ANXA4: variants seen among roughly 807,000 people sequenced by gnomAD.
ANXA4 encodes the protein annexin A4, also known as 35-beta calcimedin.
A neutral mutation model predicts 49.8 loss-of-function variants in ANXA4; 39 were observed. The ratio of observed to expected loss-of-function variants is 0.78; its 90% CI spans 0.61 to 1.02. The LOEUF (loss-of-function observed/expected upper bound fraction) is 1.02. Among genes scored for constraint, ANXA4 ranks in the 50% least tolerant of loss-of-function variants. ANXA4 has a pLI of 0.00. For missense variants in ANXA4, 360 were observed against 410.1 expected (o/e 0.88, Z 1.05); for synonymous variants, 134 against 152.5 (o/e 0.88, Z 0.89).
intron 12 of ANXA4, among the ~76,000 whole-genome samples, chr2:69,825,055 A>C (rs1010627915): frequency 1.4e-5 from 2 of 144,030 alleles, no homozygotes; most frequent in African/African-American, 5.3e-5. Context: ...TGACAGAACA[A>C]GACTCTGTCT....
At chr2:69,707,579 A>T (rs1253479754) in intron 2 of ANXA4, among the ~76,000 whole-genome samples, 5 of 152,234 alleles carry the variant, frequency 3.3e-5, no homozygotes, top group Non-Finnish European at 1.5e-5. Context: ...TTTAAATTTT[A>T]AAAAATTTAA....
At chr2:69,736,879 G>A (rs1054979122) in intron 3 of ANXA4, among the ~76,000 whole-genome samples, 60 of 152,186 alleles carry the variant, frequency 3.9e-4, no homozygotes, top group African/African-American at 1.4e-3. Context: ...TTGGCTCACT[G>A]AAACCTCCAG....
rs1310052616 is a variant in ANXA4 at position 69,818,619 on chromosome 2, A to T, written c.649A>T (p.Ile217Leu). 2 of 1,607,348 alleles carry T rather than the reference A, an allele frequency of 1.2e-6. No individual in the cohort carries two copies. Among genetic ancestry groups the T allele is most frequent in the East Asian group, 2.2e-5 (1 of 44,692 alleles). ...LLHVFDEYKRISQKDIEQSIK... is the reference protein window; with the variant it reads ...LLHVFDEYKRLSQKDIEQSIK... ...TGCAGTGTTTGATGAATACAAAAGG[A>T]TATCACAGAAGGATATTGAACAGAG... is the stretch of plus-strand genomic sequence containing the variant. Residue 217 changes from isoleucine (I) to leucine (L), a missense_variant, in exon 10 of 13, where the codon ATA becomes TTA. Coordinates refer to ENST00000394295, the MANE Select transcript of ANXA4 (RefSeq NM_001153.5).
At chr2:69,755,082 C>T (rs1247011342) in intron 1 of ANXA4, among the ~76,000 whole-genome samples, 1 of 152,150 alleles carries the variant, frequency 6.6e-6, no homozygotes, top group East Asian at 1.9e-4. Context: ...TGAAATAATC[C>T]AGACACAGAA....
At chr2:69,807,660 C>G (rs978033401) in intron 5 of ANXA4, among the ~76,000 whole-genome samples, 1 of 152,148 alleles carries the variant, frequency 6.6e-6, no homozygotes, top group Non-Finnish European at 1.5e-5. Context: ...GGGCAGAAAC[C>G]ATACCTACCC....
At position 69,757,366 on chromosome 2, in the gene ANXA4, G is replaced by A. The variant is rs566504942; in HGVS notation, c.-47+15191G>A. ...GCTCACTGCAAGCTCTGCCTCCCGG[G>A]TTGATGCCATTCTCCTGCCCCAGCC... On this transcript the variant is annotated intron_variant, in intron 1 of 12. Transcript: ENST00000394295. 3.7e-4 allele frequency among the ~76,000 whole-genome samples: 53 copies of A among 142,044 alleles called. No homozygotes were observed. The East Asian group carries it at 0.01, about 27-fold the overall frequency. 93.2% of individuals were successfully genotyped at this position (142,044 alleles called of 152,430 possible).
intron 2 of ANXA4, among the ~76,000 whole-genome samples, chr2:69,718,003 G>A (rs1669695358): frequency 6.6e-6 from 1 of 152,180 alleles, no homozygotes; most frequent in Non-Finnish European, 1.5e-5. Flanking sequence ...AAGGCTGTAT[G>A]TCTAGCTAGG....
At chr2:69,717,738 C>T (rs1026236313) in intron 2 of ANXA4, among the ~76,000 whole-genome samples, 1 of 152,140 alleles carries the variant, frequency 6.6e-6, no homozygotes, top group African/African-American at 2.4e-5. Context: ...CAGCAGATGC[C>T]CTGAGCCTTC....
At chr2:69,694,826 A>G (rs1045028533) in intron 2 of ANXA4, among the ~76,000 whole-genome samples, 5 of 152,070 alleles carry the variant, frequency 3.3e-5, no homozygotes, top group Non-Finnish European at 7.4e-5. Flanking sequence ...GGGTCTTGCT[A>G]TGTTGCCCAG....
chr2:69,806,520 C>T, intron 5 of ANXA4, 22 bp downstream of exon 5: 1 of 1,583,824 alleles, frequency 6.3e-7, no homozygotes, highest in Non-Finnish European at 8.7e-7. Flanking sequence ...TCCTCTCGTG[C>T]TCTTGGTGCT....
chr2:69,781,870 A>C (rs1413745976), intron 2 of ANXA4, among the ~76,000 whole-genome samples: 1 of 152,188 alleles, frequency 6.6e-6, no homozygotes, highest in Non-Finnish European at 1.5e-5. Context: ...TTATTTTAGA[A>C]CATTTAAAAA....
intron 1 of ANXA4, among the ~76,000 whole-genome samples, chr2:69,772,130 C>T (rs1248560943): frequency 6.6e-6 from 1 of 152,210 alleles, no homozygotes; most frequent in Non-Finnish European, 1.5e-5. Context: ...AGTCCTGATG[C>T]TTTTAGAGTT....
At chr2:69,815,826 G>T in intron 8 of ANXA4, 1 of 359,306 alleles carries the variant, frequency 2.8e-6, no homozygotes, top group African/African-American at 2.0e-5. Flanking sequence ...CCCAAATCTA[G>T]GGCATTTCTT....
At chr2:69,763,965 T>C (rs1240733144) in intron 1 of ANXA4, among the ~76,000 whole-genome samples, 2 of 152,274 alleles carry the variant, frequency 1.3e-5, no homozygotes, top group East Asian at 3.9e-4. Context: ...CTGACCTTAG[T>C]TTTTTTCTGA....
chr2:69,652,253 G>A (rs879901273), intron 1 of ANXA4, among the ~76,000 whole-genome samples: 27 of 151,676 alleles, frequency 1.8e-4, no homozygotes, highest in Admixed American at 1.3e-3. Context: ...TGATCCACTC[G>A]CCTCAGACTC....
chr2:69,709,545 T>A (rs1479963227), intron 2 of ANXA4, among the ~76,000 whole-genome samples: 5 of 152,222 alleles, frequency 3.3e-5, no homozygotes, highest in Admixed American at 3.3e-4. Flanking sequence ...CTTCCCAAGA[T>A]GATCTTCCCA....
chr2:69,799,013 A>T (rs1435453303), intron 3 of ANXA4, among the ~76,000 whole-genome samples: 1 of 152,222 alleles, frequency 6.6e-6, no homozygotes, highest in Non-Finnish European at 1.5e-5. Context: ...AGTAGTAAAA[A>T]TGTCAGGGTT....
At chr2:69,643,859 A>G, upstream of ANXA4, 2 of 1,179,054 alleles carry the variant, frequency 1.7e-6, no homozygotes, top group Non-Finnish European at 2.1e-6. Flanking sequence ...CCTCTCCTGC[A>G]ACCGCCGTTC....
At chr2:69,683,729 G>C (rs1677686648) in intron 2 of ANXA4, among the ~76,000 whole-genome samples, 1 of 152,068 alleles carries the variant, frequency 6.6e-6, no homozygotes, top group Non-Finnish European at 1.5e-5. Context: ...AAGATAGCTG[G>C]GTAATGTACT....
Sources: allele counts gnomAD v4.1 joint callset (sites outside exome capture counted in the v4.1 genomes callset), GRCh38; gene constraint gnomAD v4.1.1; transcripts MANE v1.5; gene names NCBI Gene and HGNC (gene_info 2026-07-23, HGNC 2026-07-21).